The following AP2A2 variants were observed in gnomAD, a reference collection of about 807,000 sequenced individuals.
AP2A2 encodes adaptor related protein complex 2 subunit alpha 2.
A neutral mutation model predicts 104.2 loss-of-function variants in AP2A2; 32 were observed. The ratio of observed to expected loss-of-function variants is 0.31; its 90% confidence interval spans 0.23 to 0.41. AP2A2 has a LOEUF of 0.41. Among genes scored for constraint, AP2A2 ranks in the 10% least tolerant of loss-of-function variants. The pLI is 1.00. For missense variants in AP2A2, 912 were observed against 1,261.0 expected, an observed-to-expected ratio of 0.72 and a Z score of 4.19; for synonymous variants, 539 against 533.3, an observed-to-expected ratio of 1.01 and a Z score of -0.15.
chr11:994,580 C>T (rs1855783318), intron 14 of AP2A2, among the ~76,000 whole-genome samples: 1 of 146,024 alleles, frequency 6.8e-6, no homozygotes, highest in Admixed American at 6.8e-5. Flanking sequence ...CTGCTGGACG[C>T]CCCGTTGTCC....
chr11:985,302 C>T (rs1855413410), intron 7 of AP2A2, 133 bp from the exon 8 acceptor site: 5 of 1,243,182 alleles, frequency 4.0e-6, no homozygotes, highest in Non-Finnish European at 5.5e-6. Flanking sequence ...TTTGTAAATG[C>T]TTCCAGCTGG....
intron 1 of AP2A2, among the ~76,000 whole-genome samples, chr11:928,954 T>C (rs1458503234): frequency 6.6e-6 from 1 of 152,134 alleles, no homozygotes; most frequent in Non-Finnish European, 1.5e-5. Context: ...GCGCACCCTA[T>C]CTTGCTCATC....
chr11:969,752 T>C (rs1251660439), intron 2 of AP2A2, among the ~76,000 whole-genome samples: 1 of 152,144 alleles, frequency 6.6e-6, no homozygotes. Context: ...TAGACTGTGT[T>C]CATATGCCTA....
rs1330174649 is a variant in AP2A2, at chr11:993,624, T to G, written c.1551-130T>G. 2.8e-6 allele frequency: 2 copies of G among 712,658 alleles called. No individual in the cohort carries two copies. Among genetic ancestry groups the G allele is most frequent in the African/African-American group, 1.8e-5 (1 of 56,280 alleles). The allele number at this position is 712,658 out of a possible 1,614,324, so 44.1% of individuals were successfully genotyped here. ...GCGTCTTTGCGGTGGGATCTGGAGCTGGAAGAGGGTCCCGACCAGCGGCCT... is the reference window on the plus strand; with the variant it reads ...GCGTCTTTGCGGTGGGATCTGGAGCGGGAAGAGGGTCCCGACCAGCGGCCT... On this transcript the variant is annotated intron_variant, in intron 12 of 21. Transcript: ENST00000448903. This position sits in a 1 kb window ranked among gnomAD's most constrained non-coding sequence, Gnocchi z 8.2.
At chr11:996,835 T>C (rs1377919094) in intron 14 of AP2A2, among the ~76,000 whole-genome samples, 2 of 123,174 alleles carry the variant, frequency 1.6e-5, no homozygotes. Flanking sequence ...AGCTCTGTTC[T>C]GAGCTGAGAG....
At chr11:991,840 T>C (rs1030361881) in intron 10 of AP2A2, among the ~76,000 whole-genome samples, 6 of 151,810 alleles carry the variant, frequency 4.0e-5, no homozygotes, top group African/African-American at 1.5e-4. Flanking sequence ...CTGCTGGCGT[T>C]GGTGTTGGCA....
chr11:946,058 C>A (rs1048835182), intron 1 of AP2A2, among the ~76,000 whole-genome samples: 1 of 152,164 alleles, frequency 6.6e-6, no homozygotes. Flanking sequence ...GGAGTGAGGC[C>A]TCTGTAATCC....
chr11:1,009,967 C>G, intron 21 of AP2A2, 150 bp downstream of exon 21: 1 of 1,022,686 alleles, frequency 9.8e-7, no homozygotes, highest in Non-Finnish European at 1.4e-6. Flanking sequence ...GGTTGCCTCC[C>G]AGCCTCCCCG....
rs1461980949 is a variant in AP2A2, at chr11:1,000,562, C to T, written c.2087C>T (p.Ala696Val). 1.3e-5 allele frequency: 20 copies of T among 1,550,622 alleles called. No homozygotes were observed. The highest frequency in any genetic ancestry group is 4.8e-5 in the East Asian group (2 of 41,972). The part of the protein sequence containing the change: ...DVFSDSASVV[A>V]PLAPGSEDNF... The stretch of plus-strand genomic sequence containing the variant: ...TTCTCAGACTCGGCCTCTGTGGTCG[C>T]GCCTCTCGCTCCTGGCTCCGAAGAC... The change falls in exon 15 of 22, where the codon GCG (alanine) becomes GTG (valine). Residue 696 changes from alanine (A) to valine (V), a missense_variant. Ala to Val is a moderately conservative substitution (Grantham distance 64, BLOSUM62 0). Transcript: ENST00000448903.
chr11:950,462 C>G (rs1854015022), intron 1 of AP2A2, among the ~76,000 whole-genome samples: 2 of 152,066 alleles, frequency 1.3e-5, no homozygotes, highest in Non-Finnish European at 1.5e-5. Context: ...GCCTGCACCA[C>G]CATGCCCAGC....
At chr11:949,796 AG>A (rs1853981310) in intron 1 of AP2A2, among the ~76,000 whole-genome samples, 2 of 144,000 alleles carry the variant, frequency 1.4e-5, no homozygotes, top group Non-Finnish European at 1.5e-5. Flanking sequence ...AAAAAAAAAC[AG>A]GTTTATACAC....
At chr11:959,599 C>A in intron 2 of AP2A2, 94 bp downstream of exon 2, 1 of 826,160 alleles carries the variant, frequency 1.2e-6, no homozygotes, top group Non-Finnish European at 1.9e-6. Flanking sequence ...TTCTCCCACA[C>A]TAAAGTGAAG....
intron 10 of AP2A2, among the ~76,000 whole-genome samples, chr11:990,949 C>T (rs964002583): frequency 6.6e-6 from 1 of 151,040 alleles, no homozygotes; most frequent in Non-Finnish European, 1.5e-5. Context: ...TATGGTGCTC[C>T]CCCCACCCCA....
chr11:986,639 C>G (rs1269764550), intron 8 of AP2A2, 146 bp from the exon 9 acceptor site: 58 of 1,013,958 alleles, frequency 5.7e-5, no homozygotes, highest in Non-Finnish European at 8.0e-5. Context: ...GGGAGGCCCC[C>G]GAGTTCCCAC....
At chr11:996,827 C>T (rs1033493665) in intron 14 of AP2A2, among the ~76,000 whole-genome samples, 1 of 152,112 alleles carries the variant, frequency 6.6e-6, no homozygotes, top group Admixed American at 6.5e-5. Flanking sequence ...AGGCACGCAG[C>T]TCTGTTCTGA....
rs376769456 is a variant in AP2A2 at position 1,003,739 on chromosome 11, A to G, written c.2141A>G (p.Asn714Ser). 60 of 1,607,026 alleles carry G rather than the reference A, an allele frequency of 3.7e-5. 1 individual carries two copies. The highest frequency in any genetic ancestry group is 2.4e-4 in the South Asian group (21 of 89,122). ...DNFARFVCKNNGVLFENQLLQ... is the reference protein window; with the variant it reads ...DNFARFVCKNSGVLFENQLLQ... ...TCCCCTAGGTTTGTTTGTAAAAACAATGGTGTGTTGTTTGAAAACCAGCTG... is the reference window on the plus strand; with the variant it reads ...TCCCCTAGGTTTGTTTGTAAAAACAGTGGTGTGTTGTTTGAAAACCAGCTG... The change falls in exon 16 of 22, where the codon AAT (asparagine) becomes AGT (serine). Residue 714 changes from asparagine (N) to serine (S), a missense_variant. This residue lies in a region of AP2A2 where 239 missense variants were observed against 329.8 expected (regional missense o/e 0.72). Transcript: ENST00000448903.
intron 6 of AP2A2, among the ~76,000 whole-genome samples, chr11:982,902 T>G (rs1266811074): frequency 6.6e-6 from 1 of 152,048 alleles, no homozygotes; most frequent in African/African-American, 2.4e-5. Context: ...CTGCCCACCT[T>G]GGCCTCCCAA....
At position 993,149 on chromosome 11, in the gene AP2A2, A is replaced by G; in HGVS notation, c.1453-135A>G. 1.5e-6 allele frequency: 1 copy of G among 652,386 alleles called. No individual in the cohort carries two copies. The highest frequency in any genetic ancestry group is 2.6e-6 in the Non-Finnish European group (1 of 389,954). The allele number at this position is 652,386 out of a possible 1,614,324, so 40.4% of individuals were successfully genotyped here. On this transcript the variant is annotated intron_variant, in intron 11 of 21. Transcript: ENST00000448903. This position sits in a 1 kb window ranked among gnomAD's most constrained non-coding sequence, Gnocchi z 8.2. ...ACTGAGGGTGCTGAGGAAGGCAGGG[A>G]TGGGCACTTGGACTGGGGTCTCCAG...
chr11:953,149 C>T (rs1338312041), intron 1 of AP2A2, among the ~76,000 whole-genome samples: 4 of 152,162 alleles, frequency 2.6e-5, no homozygotes, highest in Admixed American at 6.6e-5. Flanking sequence ...CAGCCATGGT[C>T]GTGCTGGATT....
Sources: gnomAD v4.1 joint callset for allele counts (sites outside exome capture counted in the v4.1 genomes callset) on GRCh38, gnomAD v4.1.1 for gene constraint, gnomAD v4.1.1 regional missense constraint, Gnocchi (gnomAD v3.1) non-coding constraint, MANE v1.5 for transcripts, NCBI Gene and HGNC (gene_info 2026-07-23, HGNC 2026-07-21) for gene names.